MTR: variants seen among roughly 807,000 people sequenced by gnomAD.
The protein encoded by MTR is methionine synthase.
Under a neutral mutation model 154.8 loss-of-function variants are expected in MTR, and 84 were observed. The ratio of observed to expected loss-of-function variants is 0.54; its 90% CI spans 0.45 to 0.65. MTR has a LOEUF of 0.65. Ranked by LOEUF, MTR falls within the 30% of genes least tolerant of loss-of-function variation. MTR has a pLI of 0.00. For missense variants in MTR, 1,275 were observed against 1,570.2 expected (o/e 0.81, Z 3.18); for synonymous variants, 554 against 553.9 (o/e 1.00, Z 0.00).
At chr1:236,827,266 CT>C (rs936265115) in intron 11 of MTR, among the ~76,000 whole-genome samples, 1 of 131,112 alleles carries the variant, frequency 7.6e-6, no homozygotes, top group African/African-American at 2.5e-5. Flanking sequence ...GACTTCTGTC[CT>C]CCAGATTGTG....
At chr1:236,842,690 C>T (rs1558303698) in intron 15 of MTR, among the ~76,000 whole-genome samples, 1 of 151,552 alleles carries the variant, frequency 6.6e-6, no homozygotes, top group Non-Finnish European at 1.5e-5. Flanking sequence ...ATTCTAATCT[C>T]TGAGGAGACA....
chr1:236,863,320 T>C (rs1313205196), intron 21 of MTR, 134 bp from the exon 22 acceptor site: 5 of 777,134 alleles, frequency 6.4e-6, no homozygotes, highest in Non-Finnish European at 1.1e-5. Flanking sequence ...TGGGCTTCGG[T>C]TTCCAGGTCT....
rs1423712357 is a variant in MTR at position 236,878,034 on chromosome 1, T to G, written c.2595-2721T>G. ...TTTAAAAATTGGGTATTCTGCTTTA[T>G]TCTTATTGGTTTGTACACATTCTTT... On this transcript the variant is annotated intron_variant, in intron 24 of 32. Transcript: ENST00000366577. 2.6e-5 allele frequency among the ~76,000 whole-genome samples: 4 copies of G among 152,370 alleles called. No homozygotes were observed. The East Asian group carries it at 7.7e-4, about 29-fold the overall frequency.
chr1:236,889,147 C>G, intron 27 of MTR, 34 bp from the exon 28 acceptor site: 1 of 1,613,446 alleles, frequency 6.2e-7, no homozygotes, highest in South Asian at 1.1e-5. Context: ...AGGGTGCCAG[C>G]GTCAGCATTG....
rs746771268 is a variant in MTR at position 236,873,800 on chromosome 1, A to G, written c.2433A>G (p.Pro811=). 1.9e-6 allele frequency: 3 copies of G among 1,614,062 alleles called. No individual in the cohort carries two copies. Among genetic ancestry groups the G allele is most frequent in the Non-Finnish European group, 1.7e-6 (2 of 1,180,000 alleles). The stretch of plus-strand genomic sequence containing the variant: ...TTATTGATTTAGGAGTCATGACTCC[A>G]TGTGATAAGATACTGAAAGCTGCTC... ...FRVIDLGVMT[P]CDKILKAALD... The change falls in exon 23 of 33, where the codon CCA becomes CCG. Residue 811 remains proline, a synonymous_variant. Transcript: ENST00000366577.
At chr1:236,862,979 A>G (rs1310236882) in intron 21 of MTR, among the ~76,000 whole-genome samples, 4 of 152,068 alleles carry the variant, frequency 2.6e-5, no homozygotes, top group Non-Finnish European at 5.9e-5. Flanking sequence ...TTTTTGGGGC[A>G]GTAGTGGGGG....
At chr1:236,860,170 G>A (rs1484514823) in intron 19 of MTR, among the ~76,000 whole-genome samples, 1 of 149,268 alleles carries the variant, frequency 6.7e-6, no homozygotes, top group African/African-American at 2.5e-5. Context: ...GCATCCTATG[G>A]CCAGGGGTGC....
chr1:236,853,169 G>A lies in MTR; in HGVS notation c.1953+81G>A, dbSNP rs915267476. The A allele has an allele frequency of 6.2e-6, 9 of 1,452,182 alleles. No homozygotes were observed. In the African/African-American group the frequency reaches 1.3e-4, roughly 20 times the overall value. 90.0% of individuals were successfully genotyped at this position (1,452,182 alleles called of 1,614,324 possible). On this transcript the variant is annotated intron_variant, in intron 18 of 32. Transcript: ENST00000366577. ...CACCTACAGTTAGTAGACCTTCATG[G>A]TGGAATAGAAGCAAATATCGAATCA...
At position 236,803,632 on chromosome 1, in the gene MTR, A is replaced by G; in HGVS notation, c.239A>G (p.Gln80Arg). ...ATAACTCAGCCTGATGTCATTTACCAAATCCATAAGGTAAAGTATTCCCAG... is the reference window on the plus strand; with the variant it reads ...ATAACTCAGCCTGATGTCATTTACCGAATCCATAAGGTAAAGTATTCCCAG... ...LSITQPDVIY[Q>R]IHKEYLLAGA... Residue 80 changes from glutamine to arginine, a missense_variant, in exon 2 of 33, where the codon CAA becomes CGA. Physicochemically the swap from Gln to Arg is conservative, Grantham distance 43. Coordinates refer to ENST00000366577, the MANE Select transcript of MTR (RefSeq NM_000254.3). 2 of 1,613,756 alleles carry G rather than the reference A, an allele frequency of 1.2e-6. No homozygotes were observed. The highest frequency in any genetic ancestry group is 1.7e-6 in the Non-Finnish European group (2 of 1,179,710).
intron 1 of MTR, chr1:236,799,950 A>G (rs1376963182): frequency 5.2e-6 from 3 of 574,912 alleles, no homozygotes; most frequent in East Asian, 1.4e-4. Flanking sequence ...TCTCTTGCCT[A>G]TACGGTGGCT....
At chr1:236,815,241 C>G (rs904794550) in intron 6 of MTR, among the ~76,000 whole-genome samples, 7 of 152,196 alleles carry the variant, frequency 4.6e-5, no homozygotes, top group Non-Finnish European at 5.9e-5. Flanking sequence ...CACAGCTCAA[C>G]TGCAACCTTG....
At chr1:236,843,098 A>G (rs1047238613) in intron 15 of MTR, among the ~76,000 whole-genome samples, 2 of 151,746 alleles carry the variant, frequency 1.3e-5, no homozygotes, top group Non-Finnish European at 2.9e-5. Context: ...AAAAAAAAAA[A>G]AAAAAAGTGT....
intron 25 of MTR, among the ~76,000 whole-genome samples, chr1:236,881,540 G>A (rs1156923768): frequency 6.6e-6 from 1 of 151,844 alleles, no homozygotes; most frequent in Non-Finnish European, 1.5e-5. Flanking sequence ...GTCACTTACC[G>A]TCCCATCCCG....
At position 236,889,186 on chromosome 1, in the gene MTR, C is replaced by T. The variant is rs1012977522; in HGVS notation, c.2857C>T (p.Pro953Ser). Reference protein sequence around the residue: ...DWLSEPHPVKPTFIGTQVFED... With the variant: ...DWLSEPHPVKSTFIGTQVFED... ...ACCATACTTCTCTCCTGTAGTGAAG[C>T]CCACGTTTATTGGGACCCAGGTCTT... The change falls in exon 28 of 33, where the codon CCC becomes TCC. Residue 953 changes from proline to serine, a missense_variant. By Grantham distance (74) the Pro-to-Ser change is moderately conservative (BLOSUM62 -1). Coordinates refer to ENST00000366577, the MANE Select transcript of MTR (RefSeq NM_000254.3). 1 of 1,614,134 alleles carries T rather than the reference C, an allele frequency of 6.2e-7. No individual in the cohort carries two copies. The highest frequency in any genetic ancestry group is 1.3e-5 in the African/African-American group (1 of 75,042).
rs1450312280 is a variant in MTR, at chr1:236,795,368, G to A, written c.-336G>A. ...GATGTCACGTCGTCCTCCTCTGCCG[G>A]TTTTCTCTTGGGTCCTTTTCCGTGC... On this transcript the variant is annotated 5_prime_UTR_variant, in exon 1 of 33. Transcript: ENST00000366577. 2.9e-6 allele frequency: 4 copies of A among 1,372,930 alleles called. No individual in the cohort carries two copies. The highest frequency in any genetic ancestry group is 3.8e-6 in the Non-Finnish European group (4 of 1,042,968). The allele number at this position is 1,372,930 out of a possible 1,614,324, so 85.0% of individuals were successfully genotyped here.
At chr1:236,837,891 T>C (rs1663000470) in intron 14 of MTR, among the ~76,000 whole-genome samples, 1 of 152,254 alleles carries the variant, frequency 6.6e-6, no homozygotes, top group African/African-American at 2.4e-5. Context: ...TCCTTTATTT[T>C]AGTTATATGC....
intron 6 of MTR, among the ~76,000 whole-genome samples, chr1:236,813,394 A>G (rs1009941552): frequency 1.2e-4 from 18 of 152,204 alleles, no homozygotes; most frequent in Non-Finnish European, 1.8e-4. Context: ...ACATTTCTAC[A>G]AGTTAAATTG....
intron 3 of MTR, 64 bp downstream of exon 3, chr1:236,806,297 T>C: frequency 7.6e-7 from 1 of 1,309,506 alleles, no homozygotes; most frequent in Non-Finnish European, 1.1e-6. Context: ...TGGTAGTTGC[T>C]AGTGAGTAAA....
At chr1:236,806,906 T>A (rs991999741) in intron 3 of MTR, among the ~76,000 whole-genome samples, 16 of 152,208 alleles carry the variant, frequency 1.1e-4, no homozygotes, top group South Asian at 2.1e-4. Flanking sequence ...CATGTTGTAG[T>A]ATGTATCAGA....
Sources: gnomAD v4.1 joint callset for allele counts (sites outside exome capture counted in the v4.1 genomes callset) on GRCh38, gnomAD v4.1.1 for gene constraint, MANE v1.5 for transcripts, NCBI Gene and HGNC (gene_info 2026-07-23, HGNC 2026-07-21) for gene names.